Variants in TRIM33 observed in about 807,000 individuals in gnomAD.
TRIM33 encodes the protein E3 ubiquitin-protein ligase TRIM33.
A neutral mutation model predicts 125.4 loss-of-function variants in TRIM33; 20 were observed. The ratio of observed to expected loss-of-function variants is 0.16; its 90% confidence interval spans 0.11 to 0.23. The LOEUF is 0.23. Among genes scored for constraint, TRIM33 ranks in the 10% least tolerant of loss-of-function variants. TRIM33 has a pLI of 1.00. For synonymous variants in TRIM33, 564 were observed against 513.9 expected (o/e 1.10, Z -1.32); for missense variants, 920 against 1,411.4 (o/e 0.65, Z 5.58).
chr1:114,466,279 T>C (rs993538909), intron 1 of TRIM33, among the ~76,000 whole-genome samples: 1 of 152,060 alleles, frequency 6.6e-6, no homozygotes, highest in Non-Finnish European at 1.5e-5. Flanking sequence ...CTTCTTAGAG[T>C]AAATCAGTTA....
chr1:114,486,049 C>T (rs1390749308), intron 1 of TRIM33, among the ~76,000 whole-genome samples: 1 of 152,018 alleles, frequency 6.6e-6, no homozygotes, highest in Non-Finnish European at 1.5e-5. Flanking sequence ...CTGAGGCAGG[C>T]AGATCACTTG....
chr1:114,395,468 AT>A lies in TRIM33; in HGVS notation c.*2179del, dbSNP rs60897900. 5.1e-6 allele frequency: 1 copy of A among 197,244 alleles called. No individual in the cohort carries two copies. The highest frequency in any genetic ancestry group is 7.8e-5 in the East Asian group (1 of 12,808). The allele number at this position is 197,244 out of a possible 1,614,324, so 12.2% of individuals were successfully genotyped here. On this transcript the variant is annotated 3_prime_UTR_variant, in exon 20 of 20. Coordinates refer to ENST00000358465, the MANE Select transcript of TRIM33 (RefSeq NM_015906.4). The stretch of plus-strand genomic sequence containing the variant: ...ATCTATTTATGACTCATTATCTACA[AT>A]TTTTTTAAAAGGATCCATTTGAAGA...
intron 1 of TRIM33, among the ~76,000 whole-genome samples, chr1:114,493,151 C>T (rs928427543): frequency 4.6e-5 from 7 of 152,152 alleles, no homozygotes; most frequent in South Asian, 2.1e-4. Context: ...TAATAACAAA[C>T]GATCTAGTGT....
In TRIM33 at chr1:114,510,797, C is replaced by T. The variant is rs1427757603; in HGVS notation, c.280G>A (p.Val94Ile). ...GCTGGAGCTGGAGCCGGCGTCGATA[C>T]TGCGCCCCCGGCAACTCCAGTGCCC... Reference protein sequence around the residue: ...SVGTGVAGGAVSTPAPAPASA... With the variant: ...SVGTGVAGGAISTPAPAPASA... Residue 94 changes from valine (V) to isoleucine (I), a missense_variant, in exon 1 of 20, where the codon GTA becomes ATA. By Grantham distance (29) the Val-to-Ile change is conservative. Around this residue, in one of 8 missense-constraint regions of TRIM33, gnomAD observed 233 missense variants for 189.6 expected, o/e 1.23. Coordinates refer to ENST00000358465, the MANE Select transcript of TRIM33 (RefSeq NM_015906.4). The T allele has an allele frequency of 1.3e-6, 2 of 1,519,388 alleles. No homozygotes were observed. The highest frequency in any genetic ancestry group is 1.8e-6 in the Non-Finnish European group (2 of 1,139,624). The allele number at this position is 1,519,388 out of a possible 1,614,324, so 94.1% of individuals were successfully genotyped here.
chr1:114,496,574 G>A (rs1259610387), intron 1 of TRIM33, among the ~76,000 whole-genome samples: 1 of 152,210 alleles, frequency 6.6e-6, no homozygotes, highest in Non-Finnish European at 1.5e-5. Flanking sequence ...AGGATAGTAT[G>A]TAGGTATTTA....
intron 1 of TRIM33, among the ~76,000 whole-genome samples, chr1:114,503,702 A>T (rs1652836180): frequency 6.6e-6 from 1 of 152,152 alleles, no homozygotes; most frequent in Non-Finnish European, 1.5e-5. Flanking sequence ...GGCAGCAAAT[A>T]CCAATTTTCC....
chr1:114,505,321 G>C (rs1043350851), intron 1 of TRIM33, among the ~76,000 whole-genome samples: 3 of 152,058 alleles, frequency 2.0e-5, no homozygotes, highest in African/African-American at 7.2e-5. Flanking sequence ...AGAAAAAGTA[G>C]AGCCTAAAAA....
chr1:114,457,403 G>GA (rs978094647), intron 4 of TRIM33, among the ~76,000 whole-genome samples: 1 of 151,986 alleles, frequency 6.6e-6, no homozygotes, highest in East Asian at 1.9e-4. Flanking sequence ...CAACACTGTA[G>GA]AAAAAAATAG....
intron 1 of TRIM33, among the ~76,000 whole-genome samples, chr1:114,488,812 G>T (rs775500848): frequency 8.6e-5 from 13 of 151,904 alleles, no homozygotes; most frequent in Non-Finnish European, 1.8e-4. Context: ...GAACCAAAAC[G>T]ATCTTGAAAA....
rs972374624 is a variant in TRIM33 at position 114,464,312 on chromosome 1, G to A, written c.603C>T (p.Asp201=). Residue 201 remains aspartate, a synonymous_variant, in exon 2 of 20, where the codon GAC becomes GAT. Coordinates refer to ENST00000358465, the MANE Select transcript of TRIM33 (RefSeq NM_015906.4). ...IDLVDNYFVK[D]TSEAPSSSDE... ...CAGAACTGCTAGGAGCTTCAGATGTGTCTTTCACAAAATAATTATCCACAA... is the reference window on the plus strand; with the variant it reads ...CAGAACTGCTAGGAGCTTCAGATGTATCTTTCACAAAATAATTATCCACAA... 14 of 1,611,542 alleles carry A rather than the reference G, an allele frequency of 8.7e-6. No homozygotes were observed. The East Asian group carries it at 8.9e-5, about 10-fold the overall frequency.
intron 4 of TRIM33, among the ~76,000 whole-genome samples, chr1:114,447,659 G>A (rs370614240): frequency 5.2e-4 from 79 of 152,118 alleles, no homozygotes; most frequent in Non-Finnish European, 9.4e-4. Flanking sequence ...GTAAACCCTC[G>A]TACATCCAAC....
chr1:114,412,038 A>G (rs1330441807), intron 11 of TRIM33, among the ~76,000 whole-genome samples: 1 of 151,888 alleles, frequency 6.6e-6, no homozygotes, highest in African/African-American at 2.4e-5. Flanking sequence ...AAAAATAATC[A>G]ACGAACATAA....
rs531854979 is a variant in TRIM33 at position 114,452,392 on chromosome 1, G to A, written c.923+10712C>T. ...GGAGAATCGCTTGAAACCGGGAGGC[G>A]GAGGTTGCAGTGAGCCCAGATCACG... is the stretch of plus-strand genomic sequence containing the variant. On this transcript the variant is annotated intron_variant, in intron 4 of 19. Transcript: ENST00000358465. Among the ~76,000 whole-genome samples the A allele has an allele frequency of 1.9e-3, 293 of 151,998 alleles. 1 individual carries two copies. The highest frequency in any genetic ancestry group is 3.2e-3 in the Non-Finnish European group (215 of 67,962).
At chr1:114,426,454 T>C (rs535818507) in intron 8 of TRIM33, among the ~76,000 whole-genome samples, 1 of 151,960 alleles carries the variant, frequency 6.6e-6, no homozygotes, top group Admixed American at 6.6e-5. Context: ...ATGTCAGAAC[T>C]AAGGCTATAG....
intron 1 of TRIM33, among the ~76,000 whole-genome samples, chr1:114,501,289 G>A (rs1017111189): frequency 1.4e-4 from 22 of 152,038 alleles, no homozygotes; most frequent in African/African-American, 5.1e-4. Context: ...CAGCCAGGAA[G>A]GACTGCAGTC....
rs766573219 is a variant in TRIM33, at chr1:114,427,253, A to G, written c.1344T>C (p.Asp448=). The change falls in exon 8 of 20, where the codon GAT becomes GAC. Residue 448 remains aspartate (D), a synonymous_variant. Transcript: ENST00000358465. Reference sequence around the variant, plus strand: ...TTGCTCCATTAGCAGCAGGGACAGGATCACACCGTGCTTTCAAAATATGAC... The same window carrying G: ...TTGCTCCATTAGCAGCAGGGACAGGGTCACACCGTGCTTTCAAAATATGAC... The part of the protein sequence containing the change: ...QLRHILKARC[D]PVPAANGAIR... The G allele has an allele frequency of 6.2e-7, 1 of 1,603,744 alleles. No individual in the cohort carries two copies. The highest frequency in any genetic ancestry group is 1.7e-5 in the Admixed American group (1 of 59,302).
At chr1:114,473,987 C>A (rs2101447260) in intron 1 of TRIM33, among the ~76,000 whole-genome samples, 1 of 152,244 alleles carries the variant, frequency 6.6e-6, no homozygotes, top group South Asian at 2.1e-4. Flanking sequence ...CAGCCTCAAC[C>A]TCCTGGGCTT....
chr1:114,509,805 G>A (rs762800884), intron 1 of TRIM33, among the ~76,000 whole-genome samples: 1 of 152,184 alleles, frequency 6.6e-6, no homozygotes, highest in East Asian at 1.9e-4. Flanking sequence ...TGTGAATGAA[G>A]TCTTCATTGA....
chr1:114,403,677 A>G (rs1408319363), intron 15 of TRIM33, among the ~76,000 whole-genome samples: 1 of 152,128 alleles, frequency 6.6e-6, no homozygotes, highest in South Asian at 2.1e-4. Flanking sequence ...AGCTGGGATC[A>G]CAGGGGCCTG....
Sources: allele counts gnomAD v4.1 joint callset (sites outside exome capture counted in the v4.1 genomes callset), GRCh38; gene constraint gnomAD v4.1.1; regional missense constraint gnomAD v4.1.1; transcripts MANE v1.5; gene names NCBI Gene and HGNC (gene_info 2026-07-23, HGNC 2026-07-21).